The following GNL3 variants were observed in gnomAD, a reference collection of about 807,000 sequenced individuals.
GNL3 encodes the protein guanine nucleotide-binding protein-like 3.
Under a neutral mutation model 70.6 loss-of-function variants are expected in GNL3, and 77 were observed. That is an observed-to-expected ratio of 1.09 (90% CI 0.91 to 1.32). The LOEUF (loss-of-function observed/expected upper bound fraction) is 1.32. Among genes scored for constraint, GNL3 ranks in the 40% most tolerant of loss-of-function variants. The pLI, the probability that GNL3 is intolerant of heterozygous loss-of-function variation, is 0.00. For missense variants in GNL3, 634 were observed against 644.0 expected (o/e 0.98, Z 0.17); for synonymous variants, 252 against 216.1 (o/e 1.17, Z -1.46).
rs2097327119 is a variant in GNL3, at chr3:52,691,410, T to C, written c.782-132T>C. The C allele has an allele frequency of 5.9e-6, 4 of 677,778 alleles. No homozygotes were observed. In the South Asian group the frequency reaches 6.6e-5, roughly 11 times the overall value. The allele number at this position is 677,778 out of a possible 1,614,324, so 42.0% of individuals were successfully genotyped here. On this transcript the variant is annotated intron_variant, in intron 8 of 14. Coordinates refer to ENST00000418458, the MANE Select transcript of GNL3 (RefSeq NM_014366.5). ...GAAGAAACTAAAATTGGTCTTAGTA[T>C]TGAAGTGAAGACACTGAGATCCAAC...
chr3:52,691,774 C>A, intron 9 of GNL3, 145 bp downstream of exon 9: 1 of 604,068 alleles, frequency 1.7e-6, no homozygotes. Flanking sequence ...GCAATCTCGG[C>A]TCACTGCAAC....
chr3:52,692,509 C>T (rs919025875), intron 9 of GNL3, among the ~76,000 whole-genome samples: 1 of 151,060 alleles, frequency 6.6e-6, no homozygotes, highest in Non-Finnish European at 1.5e-5. Flanking sequence ...AGAGACAGGG[C>T]TTTCATCATG....
At position 52,691,084 on chromosome 3, in the gene GNL3, T is replaced by C. The variant is rs75373137; in HGVS notation, c.781+13T>C. ...GTTGGAGTAATTGGTGAGTTTCAGTTCATTACTTTTTACTTTTTAAGTGTT... is the reference window on the plus strand; with the variant it reads ...GTTGGAGTAATTGGTGAGTTTCAGTCCATTACTTTTTACTTTTTAAGTGTT... On this transcript the variant is annotated intron_variant, in intron 8 of 14. Coordinates refer to ENST00000418458, the MANE Select transcript of GNL3 (RefSeq NM_014366.5). The C allele has an allele frequency of 1.4e-3, 2,208 of 1,611,624 alleles. 55 individuals carry two copies. In the East Asian group the frequency reaches 0.046, roughly 33 times the overall value.
At position 52,692,973 on chromosome 3, in the gene GNL3, G is replaced by T. The variant is rs1318681171; in HGVS notation, c.971G>T (p.Ser324Ile). Residue 324 changes from serine to isoleucine, a missense_variant, in exon 10 of 15, where the codon AGT (serine) becomes ATT (isoleucine). By Grantham distance (142) the Ser-to-Ile change is moderately radical (BLOSUM62 -2). Transcript: ENST00000418458. ...TCCTCCTCTGCGCTTGCTCTGCGAA[G>T]TCCAGCAAGTATTGAAGTAGTAAAA... is the stretch of plus-strand genomic sequence containing the variant. Reference protein sequence around the residue: ...LNSSSALALRSPASIEVVKPM... With the variant: ...LNSSSALALRIPASIEVVKPM... 1 of 1,614,100 alleles carries T rather than the reference G, an allele frequency of 6.2e-7. No homozygotes were observed. Among genetic ancestry groups the T allele is most frequent in the Non-Finnish European group, 8.5e-7 (1 of 1,179,958 alleles).
rs199735905 is a variant in GNL3, at chr3:52,691,610, G to A, written c.850G>A (p.Val284Ile). The A allele has an allele frequency of 4.1e-5, 64 of 1,577,832 alleles. No homozygotes were observed. The Middle Eastern group carries it at 5.0e-4, about 12-fold the overall frequency. Residue 284 changes from valine to isoleucine, a missense_variant, in exon 9 of 15, where the codon GTA becomes ATA. Val to Ile is a conservative substitution (Grantham distance 29, BLOSUM62 3). Coordinates refer to ENST00000418458, the MANE Select transcript of GNL3 (RefSeq NM_014366.5). ...ACAAGAACAGATGTGTAATGTTGGT[G>A]TATCCATGGGGCTTACAAGGTAAAT... is the stretch of plus-strand genomic sequence containing the variant. ...LKQEQMCNVGVSMGLTRSMQV... is the reference protein window; with the variant it reads ...LKQEQMCNVGISMGLTRSMQV...
chr3:52,688,994 A>G, intron 5 of GNL3, 80 bp from the exon 6 acceptor site: 1 of 1,148,362 alleles, frequency 8.7e-7, no homozygotes, highest in Non-Finnish European at 1.3e-6. Context: ...TCTCTTGTGG[A>G]AGGTATTACC....
chr3:52,691,586 C>T lies in GNL3; in HGVS notation c.826C>T (p.Gln276Ter). 6.2e-7 allele frequency: 1 copy of T among 1,601,804 alleles called. No individual in the cohort carries two copies. Among genetic ancestry groups the T allele is most frequent in the Non-Finnish European group, 8.5e-7 (1 of 1,170,074 alleles). Reference protein sequence around the residue: ...GKSSIINSLKQEQMCNVGVSM... With the variant: ...GKSSIINSLK Reference sequence around the variant, plus strand: ...AAGCAGCATTATCAATAGCTTAAAACAAGAACAGATGTGTAATGTTGGTGT... The same window carrying T: ...AAGCAGCATTATCAATAGCTTAAAATAAGAACAGATGTGTAATGTTGGTGT... Residue 276 changes from glutamine (Q) to a stop codon, truncating the protein, a stop_gained, in exon 9 of 15, where the codon CAA becomes TAA. Coordinates refer to ENST00000418458, the MANE Select transcript of GNL3 (RefSeq NM_014366.5). LOFTEE classifies it high-confidence loss of function.
Position 52,689,180 on chromosome 3 carries a change from A to C in GNL3, c.515A>C (p.Lys172Thr). 1 of 1,613,578 alleles carries C rather than the reference A, an allele frequency of 6.2e-7. No homozygotes were observed. Among genetic ancestry groups the C allele is most frequent in the Non-Finnish European group, 8.5e-7 (1 of 1,179,490 alleles). Residue 172 changes from lysine (K) to threonine (T), a missense_variant, in exon 6 of 15, where the codon AAG becomes ACG. Coordinates refer to ENST00000418458, the MANE Select transcript of GNL3 (RefSeq NM_014366.5). ...GCCATTGTCCAGAGTGGACAGAAAA[A>C]GCTGGTACTTATATTAAATAAATCA... ...EEAIVQSGQK[K>T]LVLILNKSDL...
Position 52,691,085 on chromosome 3 carries a change from C to A in GNL3, c.781+14C>A. On this transcript the variant is annotated intron_variant, in intron 8 of 14. Coordinates refer to ENST00000418458, the MANE Select transcript of GNL3 (RefSeq NM_014366.5). ...TTGGAGTAATTGGTGAGTTTCAGTT[C>A]ATTACTTTTTACTTTTTAAGTGTTG... 1 of 1,610,864 alleles carries A rather than the reference C, an allele frequency of 6.2e-7. No homozygotes were observed. The highest frequency in any genetic ancestry group is 1.1e-5 in the South Asian group (1 of 91,000).
At chr3:52,690,841 C>A in intron 7 of GNL3, 104 bp from the exon 8 acceptor site, 1 of 1,235,462 alleles carries the variant, frequency 8.1e-7, no homozygotes, top group Non-Finnish European at 1.2e-6. Flanking sequence ...ATCTGAAAGG[C>A]AATGTAGTTA....
intron 5 of GNL3, among the ~76,000 whole-genome samples, chr3:52,688,485 G>A (rs940134193): frequency 6.6e-6 from 1 of 152,030 alleles, no homozygotes; most frequent in Non-Finnish European, 1.5e-5. Context: ...TTTACCTGAC[G>A]GAAATAGTTT....
At chr3:52,686,278 G>C (rs1221707704) in intron 1 of GNL3, 173 bp downstream of exon 1, 1 of 680,210 alleles carries the variant, frequency 1.5e-6, no homozygotes, top group African/African-American at 1.8e-5. Context: ...TCCCTACGGC[G>C]ATCATGTTAA....
Position 52,687,171 on chromosome 3 carries a change from A to G in GNL3, c.73-75A>G, listed in dbSNP as rs181007176. The G allele has an allele frequency of 1.1e-4, 136 of 1,269,664 alleles. No individual in the cohort carries two copies. The African/African-American group carries it at 1.9e-3, about 18-fold the overall frequency. The allele number at this position is 1,269,664 out of a possible 1,614,324, so 78.6% of individuals were successfully genotyped here. A position where few individuals can be genotyped will look rare whatever the true frequency, so the allele number is the denominator to read the frequency against. Reference sequence around the variant, plus strand: ...ATAGGCATAACTAAATTGCAGCCAGATTGGTTTCTCACTTGAATTCTGCTT... The same window carrying G: ...ATAGGCATAACTAAATTGCAGCCAGGTTGGTTTCTCACTTGAATTCTGCTT... On this transcript the variant is annotated intron_variant, in intron 2 of 14. Transcript: ENST00000418458.
At position 52,689,176 on chromosome 3, in the gene GNL3, A is replaced by C. The variant is rs770911647; in HGVS notation, c.511A>C (p.Lys171Gln). The change falls in exon 6 of 15, where the codon AAA (lysine) becomes CAA (glutamine). Residue 171 changes from lysine (K) to glutamine (Q), a missense_variant. Lys to Gln is a moderately conservative substitution (Grantham distance 53). Coordinates refer to ENST00000418458, the MANE Select transcript of GNL3 (RefSeq NM_014366.5). ...AGAGGCCATTGTCCAGAGTGGACAG[A>C]AAAAGCTGGTACTTATATTAAATAA... ...VEEAIVQSGQ[K>Q]KLVLILNKSD... is the part of the protein sequence containing the mutation. 9.3e-6 allele frequency: 15 copies of C among 1,613,266 alleles called. No individual in the cohort carries two copies. The highest frequency in any genetic ancestry group is 1.2e-5 in the Non-Finnish European group (14 of 1,179,290).
At chr3:52,688,999 A>G in intron 5 of GNL3, 75 bp from the exon 6 acceptor site, 1 of 1,221,528 alleles carries the variant, frequency 8.2e-7, no homozygotes, top group Non-Finnish European at 1.2e-6. Flanking sequence ...TGTGGAAGGT[A>G]TTACCAGAAC....
In GNL3 at chr3:52,693,717, T is replaced by A. The variant is rs780810611; in HGVS notation, c.1410T>A (p.His470Gln). 1 of 1,613,794 alleles carries A rather than the reference T, an allele frequency of 6.2e-7. No individual in the cohort carries two copies. Among genetic ancestry groups the A allele is most frequent in the East Asian group, 2.2e-5 (1 of 44,886 alleles). Residue 470 changes from histidine to glutamine, a missense_variant, in exon 13 of 15, where the codon CAT becomes CAA. By Grantham distance (24) the His-to-Gln change is conservative. Transcript: ENST00000418458. ...TNGIIEEKDI[H>Q]EELPKRKERK... Reference sequence around the variant, plus strand: ...GAATAATAGAAGAAAAGGACATACATGAAGAATTGCCAAAACGGAAAGAAA... The same window carrying A: ...GAATAATAGAAGAAAAGGACATACAAGAAGAATTGCCAAAACGGAAAGAAA...
At chr3:52,687,030 C>T (rs930610673) in intron 2 of GNL3, 11 of 629,996 alleles carry the variant, frequency 1.7e-5, no homozygotes, top group Admixed American at 1.2e-4. Flanking sequence ...TAAATTTGTT[C>T]AGCATGTTAA....
In GNL3 at chr3:52,691,737, CTT is replaced by C. The variant is rs1052338230; in HGVS notation, c.869+109_869+110del. On this transcript the variant is annotated intron_variant, in intron 9 of 14. Transcript: ENST00000418458. ...TTTTTTTTTTTGAGACAGTTTCACT[CTT>C]GTTCCCAGGCTGGAGGGCAATGGCG... 12 of 653,562 alleles carry C rather than the reference CTT, an allele frequency of 1.8e-5. 1 individual carries two copies. The highest frequency in any genetic ancestry group is 5.9e-5 in the East Asian group (2 of 33,772). 40.5% of individuals were successfully genotyped at this position (653,562 alleles called of 1,614,324 possible).
chr3:52,691,169 T>C (rs2097326854), intron 8 of GNL3, 98 bp downstream of exon 8: 2 of 1,072,454 alleles, frequency 1.9e-6, no homozygotes, highest in Admixed American at 3.8e-5. Context: ...TATGGAGTTG[T>C]TGTCAAGTAA....
Sources: gnomAD v4.1 joint callset for allele counts (sites outside exome capture counted in the v4.1 genomes callset) on GRCh38, gnomAD v4.1.1 for gene constraint, MANE v1.5 for transcripts, NCBI Gene and HGNC (gene_info 2026-07-23, HGNC 2026-07-21) for gene names.